YPEL3: variants seen among roughly 807,000 people sequenced by gnomAD.
The protein encoded by YPEL3 is protein yippee-like 3.
YPEL3 carries 5 observed loss-of-function variants against 17.5 expected under a neutral mutation model. The ratio of observed to expected loss-of-function variants is 0.29; its 90% confidence interval spans 0.15 to 0.60. The LOEUF is 0.60. YPEL3 is among the 20% of genes least tolerant of loss of function. YPEL3 has a pLI of 0.87. For synonymous variants in YPEL3, 87 were observed against 87.2 expected (o/e 1.00, Z 0.01); for missense variants, 155 against 211.4 (o/e 0.73, Z 1.65).
chr16:30,094,885 G>A lies in YPEL3; in HGVS notation c.288C>T (p.Gly96=). The change falls in exon 3 of 4, where the codon GGC becomes GGT. Residue 96 remains glycine, a synonymous_variant. Coordinates refer to ENST00000398841, the MANE Select transcript of YPEL3 (RefSeq NM_031477.5). ...AYLFNSVVNV[G]CGPAEERVLL... Reference sequence around the variant, plus strand: ...GCACCCGCTCCTCGGCTGGCCCGCAGCCCACGTTCACCCTGTGGGGACATG... The same window carrying A: ...GCACCCGCTCCTCGGCTGGCCCGCAACCCACGTTCACCCTGTGGGGACATG... 1 of 1,612,886 alleles carries A rather than the reference G, an allele frequency of 6.2e-7. No homozygotes were observed. Among genetic ancestry groups the A allele is most frequent in the South Asian group, 1.1e-5 (1 of 90,960 alleles).
chr16:30,092,457 A>G lies in YPEL3; in HGVS notation c.*253T>C, dbSNP rs1169272711. ...GGAGAGCAGAACACAGGCCATAACT[A>G]TAGGGCAGGTGGGGCAGGAACGGGT... On this transcript the variant is annotated 3_prime_UTR_variant, in exon 4 of 4. Transcript: ENST00000398841. The G allele has an allele frequency of 1.9e-6, 1 of 528,818 alleles. No individual in the cohort carries two copies. Among genetic ancestry groups the G allele is most frequent in the East Asian group, 3.1e-5 (1 of 32,116 alleles). The allele number at this position is 528,818 out of a possible 1,614,324, so 32.8% of individuals were successfully genotyped here. A position where few individuals can be genotyped will look rare whatever the true frequency, so the allele number is the denominator to read the frequency against.
intron 2 of YPEL3, 47 bp from the exon 3 acceptor site, chr16:30,094,944 G>A: frequency 6.3e-7 from 1 of 1,595,026 alleles, no homozygotes. Flanking sequence ...CCATCACAGG[G>A]CCCACCCCCT....
At position 30,095,512 on chromosome 16, in the gene YPEL3, GCT is replaced by G. The variant is rs1478671380; in HGVS notation, c.-32_-31del. On this transcript the variant is annotated 5_prime_UTR_variant, in exon 1 of 4. Coordinates refer to ENST00000398841, the MANE Select transcript of YPEL3 (RefSeq NM_031477.5). The surrounding 1 kb of genome is among the most constrained non-coding windows in gnomAD (Gnocchi z 5.4). ...GGCACTCCCAGAGCCGTGGGGACTC[GCT>G]CTGTCACACTGGGCTGCTCTCTCCT... is the stretch of plus-strand genomic sequence containing the variant. 4.8e-6 allele frequency: 7 copies of G among 1,454,634 alleles called. No individual in the cohort carries two copies. Among genetic ancestry groups the G allele is most frequent in the East Asian group, 5.0e-5 (2 of 40,314 alleles). The allele number at this position is 1,454,634 out of a possible 1,614,324, so 90.1% of individuals were successfully genotyped here.
In YPEL3 at chr16:30,095,374, G is replaced by T. The variant is rs767366278; in HGVS notation, c.109C>A (p.Pro37Thr). 3 of 1,613,830 alleles carry T rather than the reference G, an allele frequency of 1.9e-6. No homozygotes were observed. Among genetic ancestry groups the T allele is most frequent in the Non-Finnish European group, 2.5e-6 (3 of 1,179,938 alleles). ...APRVGPLPPA[P>T]AMVRISKPKT... is the part of the protein sequence containing the mutation. Reference sequence around the variant, plus strand: ...GGCTTTGAAATCCGCACCATGGCGGGGGCCGGGGGCAGTGGCCCCACGCGG... The same window carrying T: ...GGCTTTGAAATCCGCACCATGGCGGTGGCCGGGGGCAGTGGCCCCACGCGG... Residue 37 changes from proline to threonine, a missense_variant, in exon 1 of 4, where the codon CCC becomes ACC. By Grantham distance (38) the Pro-to-Thr change is conservative. Around this residue, in one of 3 missense-constraint regions of YPEL3, gnomAD observed 58 missense variants for 60.0 expected, o/e 0.97. Transcript: ENST00000398841. This position sits in a 1 kb window ranked among gnomAD's most constrained non-coding sequence, Gnocchi z 5.4.
chr16:30,094,840 A>C lies in YPEL3; in HGVS notation c.333T>G (p.Ala111=). 5 of 1,614,128 alleles carry C rather than the reference A, an allele frequency of 3.1e-6. No individual in the cohort carries two copies. The African/African-American group carries it at 4.0e-5, about 13-fold the overall frequency. ...EERVLLTGLH[A]VADIHCENCK... ...AGTTCTCGCAGTGGATGTCGGCGAC[A>C]GCATGGAGGCCGGTCAGCAGCACCC... Residue 111 remains alanine (A), a synonymous_variant, in exon 3 of 4, where the codon GCT becomes GCG. Coordinates refer to ENST00000398841, the MANE Select transcript of YPEL3 (RefSeq NM_031477.5).
chr16:30,092,366 A>C lies in YPEL3; in HGVS notation c.*344T>G. ...ACAAACGCTACAGAACGAGGGGGAC[A>C]GACACGCGTGGGGTAAGAAGGGCCT... On this transcript the variant is annotated 3_prime_UTR_variant, in exon 4 of 4. Coordinates refer to ENST00000398841, the MANE Select transcript of YPEL3 (RefSeq NM_031477.5). 6 of 282,262 alleles carry C rather than the reference A, an allele frequency of 2.1e-5. No individual in the cohort carries two copies. Among genetic ancestry groups the C allele is most frequent in the East Asian group, 6.9e-5 (1 of 14,556 alleles). The allele number at this position is 282,262 out of a possible 1,614,324, so 17.5% of individuals were successfully genotyped here.
In YPEL3 at chr16:30,092,629, C is replaced by T. The variant is rs2072744033; in HGVS notation, c.*81G>A. On this transcript the variant is annotated 3_prime_UTR_variant, in exon 4 of 4. Transcript: ENST00000398841. ...CTGCAGGGGCTCTGAGGGTCCAGAG[C>T]TCCCTTCGGGTGGCGGGAAGCCAGT... 31 of 1,342,732 alleles carry T rather than the reference C, an allele frequency of 2.3e-5. 2 individuals carry two copies. The South Asian group carries it at 3.5e-4, about 15-fold the overall frequency. 83.2% of individuals were successfully genotyped at this position (1,342,732 alleles called of 1,614,324 possible).
chr16:30,095,605 T>C lies in YPEL3; in HGVS notation c.-123A>G. The C allele has an allele frequency of 9.5e-6, 8 of 841,518 alleles. No homozygotes were observed. The highest frequency in any genetic ancestry group is 1.4e-5 in the Non-Finnish European group (8 of 567,968). 52.1% of individuals were successfully genotyped at this position (841,518 alleles called of 1,614,324 possible). On this transcript the variant is annotated 5_prime_UTR_variant, in exon 1 of 4. The change abolishes the stop of an existing upstream ORF in the 5' untranslated region. Transcript: ENST00000398841. This position sits in a 1 kb window ranked among gnomAD's most constrained non-coding sequence, Gnocchi z 5.4. Reference sequence around the variant, plus strand: ...TCGGTTTTGACTCAGTGAGGAGGCCTCAGGTTGCATCCATGGGGAAACTGA... The same window carrying C: ...TCGGTTTTGACTCAGTGAGGAGGCCCCAGGTTGCATCCATGGGGAAACTGA...
intron 3 of YPEL3, among the ~76,000 whole-genome samples, chr16:30,093,041 C>A (rs2072751508): frequency 6.6e-6 from 1 of 152,204 alleles, no homozygotes; most frequent in Non-Finnish European, 1.5e-5. Context: ...TTTCACAGTT[C>A]AGGGTTTGCA....
At position 30,095,781 on chromosome 16, in the gene YPEL3, C is replaced by G; in HGVS notation, c.-299G>C. On this transcript the variant is annotated 5_prime_UTR_variant, in exon 1 of 4. Transcript: ENST00000398841. The surrounding 1 kb of genome is among the most constrained non-coding windows in gnomAD (Gnocchi z 5.4). ...ATGGGCGGGTAGGCACTGGTTGGTC[C>G]TTGCGACCTCATCTGGAGAGCAGTG... is the stretch of plus-strand genomic sequence containing the variant. 7.3e-6 allele frequency: 3 copies of G among 413,282 alleles called. No individual in the cohort carries two copies. The highest frequency in any genetic ancestry group is 8.7e-6 in the Non-Finnish European group (2 of 230,128). 25.6% of individuals were successfully genotyped at this position (413,282 alleles called of 1,614,324 possible).
At position 30,092,402 on chromosome 16, in the gene YPEL3, G is replaced by A; in HGVS notation, c.*308C>T. ...GGGTAAGAAGGGCCTGGTGGGAGGA[G>A]TTCACAGAGCAGACGGTGCACTGGG... On this transcript the variant is annotated 3_prime_UTR_variant, in exon 4 of 4. Coordinates refer to ENST00000398841, the MANE Select transcript of YPEL3 (RefSeq NM_031477.5). 2 of 355,192 alleles carry A rather than the reference G, an allele frequency of 5.6e-6. No individual in the cohort carries two copies. The highest frequency in any genetic ancestry group is 1.0e-5 in the Non-Finnish European group (2 of 191,082). The allele number at this position is 355,192 out of a possible 1,614,324, so 22.0% of individuals were successfully genotyped here. A position where few individuals can be genotyped will look rare whatever the true frequency, so the allele number is the denominator to read the frequency against.
Position 30,092,615 on chromosome 16 carries a change from C to T in YPEL3, c.*95G>A, listed in dbSNP as rs144322733. ...GCTAGATCCGTCCTCTGCAGGGGCT[C>T]TGAGGGTCCAGAGCTCCCTTCGGGT... is the stretch of plus-strand genomic sequence containing the variant. On this transcript the variant is annotated 3_prime_UTR_variant, in exon 4 of 4. Transcript: ENST00000398841. The T allele has an allele frequency of 4.5e-4, 520 of 1,165,524 alleles. 1 individual carries two copies. The African/African-American group carries it at 7.2e-3, about 16-fold the overall frequency. The allele number at this position is 1,165,524 out of a possible 1,614,324, so 72.2% of individuals were successfully genotyped here. A position where few individuals can be genotyped will look rare whatever the true frequency, so the allele number is the denominator to read the frequency against.
chr16:30,092,875 G>A (rs1423773611), intron 3 of YPEL3, 76 bp from the exon 4 acceptor site: 2 of 1,280,000 alleles, frequency 1.6e-6, no homozygotes, highest in Non-Finnish European at 2.3e-6. Context: ...AAGTGGACAT[G>A]AGTGGCCCCA....
In YPEL3 at chr16:30,092,588, G is replaced by A. The variant is rs1311971452; in HGVS notation, c.*122C>T. On this transcript the variant is annotated 3_prime_UTR_variant, in exon 4 of 4. Coordinates refer to ENST00000398841, the MANE Select transcript of YPEL3 (RefSeq NM_031477.5). ...TGCATGCAATAAAATATATATACAG[G>A]AGCTAGATCCGTCCTCTGCAGGGGC... 1 of 821,562 alleles carries A rather than the reference G, an allele frequency of 1.2e-6. No individual in the cohort carries two copies. Among genetic ancestry groups the A allele is most frequent in the Middle Eastern group, 3.1e-4 (1 of 3,278 alleles). The allele number at this position is 821,562 out of a possible 1,614,324, so 50.9% of individuals were successfully genotyped here.
At chr16:30,093,044 G>C (rs1286005409) in intron 3 of YPEL3, among the ~76,000 whole-genome samples, 3 of 152,128 alleles carry the variant, frequency 2.0e-5, no homozygotes, top group African/African-American at 7.2e-5. Context: ...CACAGTTCAG[G>C]GTTTGCAAAC....
rs568854299 is a variant in YPEL3, at chr16:30,095,266, C to T, written c.217G>A (p.Asp73Asn). ...TGGTTGGTTACCTTGGAGATGAGGTCGTCGTGGTTGGCCAGGTGAGCGCGG... is the reference window on the plus strand; with the variant it reads ...TGGTTGGTTACCTTGGAGATGAGGTTGTCGTGGTTGGCCAGGTGAGCGCGG... Reference protein sequence around the residue: ...HCRAHLANHDDLISKSFQGSQ... With the variant: ...HCRAHLANHDNLISKSFQGSQ... The change falls in exon 1 of 4, where the codon GAC becomes AAC. Residue 73 changes from aspartate to asparagine, a missense_variant. Coordinates refer to ENST00000398841, the MANE Select transcript of YPEL3 (RefSeq NM_031477.5). This position sits in a 1 kb window ranked among gnomAD's most constrained non-coding sequence, Gnocchi z 5.4. 5.0e-6 allele frequency: 8 copies of T among 1,614,154 alleles called. No individual in the cohort carries two copies. In the Admixed American group the frequency reaches 8.3e-5, roughly 17 times the overall value.
chr16:30,094,812 T>TGCAGTTCTC lies in YPEL3; in HGVS notation c.352_360dup (p.Glu118_Cys120dup). The TGCAGTTCTC allele has an allele frequency of 6.2e-7, 1 of 1,614,140 alleles. No individual in the cohort carries two copies. The highest frequency in any genetic ancestry group is 1.3e-5 in the African/African-American group (1 of 75,026). ...ACATATTTCCAGCCCAAAGTGGTCT[T>TGCAGTTCTC]GCAGTTCTCGCAGTGGATGTCGGCG... On this transcript the variant is annotated inframe_insertion, in exon 3 of 4. Coordinates refer to ENST00000398841, the MANE Select transcript of YPEL3 (RefSeq NM_031477.5).
At chr16:30,092,942 C>CA in intron 3 of YPEL3, 143 bp from the exon 4 acceptor site, 1 of 668,888 alleles carries the variant, frequency 1.5e-6, no homozygotes, top group Non-Finnish European at 2.6e-6. Context: ...CTCACAAACA[C>CA]AGAGTAGAAT....
At position 30,095,897 on chromosome 16, in the gene YPEL3, T is replaced by G; in HGVS notation, c.-415A>C. On this transcript the variant is annotated 5_prime_UTR_variant, in exon 1 of 4. Transcript: ENST00000398841. The surrounding 1 kb of genome is among the most constrained non-coding windows in gnomAD (Gnocchi z 5.4). ...CTCGCCGTGAAGGTTGAGGGTCACC[T>G]AGGAGGGGAGGGGCTCTCACCTGCG... 1 of 175,448 alleles carries G rather than the reference T, an allele frequency of 5.7e-6. No individual in the cohort carries two copies. The highest frequency in any genetic ancestry group is 1.2e-5 in the Non-Finnish European group (1 of 83,280). The allele number at this position is 175,448 out of a possible 1,614,324, so 10.9% of individuals were successfully genotyped here. A position where few individuals can be genotyped will look rare whatever the true frequency, so the allele number is the denominator to read the frequency against.
Sources: allele counts gnomAD v4.1 joint callset (sites outside exome capture counted in the v4.1 genomes callset), GRCh38; gene constraint gnomAD v4.1.1; regional missense constraint gnomAD v4.1.1; non-coding constraint Gnocchi (gnomAD v3.1); transcripts MANE v1.5; gene names NCBI Gene and HGNC (gene_info 2026-07-23, HGNC 2026-07-21).